The following BTBD9 variants were observed in gnomAD, a reference collection of about 807,000 sequenced individuals.
BTBD9 encodes the protein BTB domain containing 9, also known as BTB/POZ domain-containing protein 9.
Under a neutral mutation model 64.3 loss-of-function variants are expected in BTBD9, and 49 were observed. That is an observed-to-expected ratio of 0.76 (90% confidence interval 0.61 to 0.97). BTBD9 has a LOEUF of 0.97. Ranked by LOEUF, BTBD9 falls within the 50% of genes least tolerant of loss-of-function variation. BTBD9 has a pLI of 0.00. For synonymous variants in BTBD9, 260 were observed against 274.7 expected, an observed-to-expected ratio of 0.95 and a Z score of 0.53; for missense variants, 598 against 762.1, an observed-to-expected ratio of 0.78 and a Z score of 2.53.
At chr6:38,606,491 TTTGA>T (rs147454782) in intron 1 of BTBD9, among the ~76,000 whole-genome samples, 10,701 of 152,234 alleles carry the variant, frequency 0.07, 542 homozygotes, top group Non-Finnish European at 0.1. Flanking sequence ...GAAAGTGACC[TTTGA>T]TTATTTTAAA....
chr6:38,625,145 A>G (rs1486657156), intron 1 of BTBD9, among the ~76,000 whole-genome samples: 5 of 151,672 alleles, frequency 3.3e-5, no homozygotes, highest in Non-Finnish European at 7.4e-5. Context: ...CCCAACTCAC[A>G]TTTTTCAGAT....
At chr6:38,627,462 T>C (rs899691502) in intron 1 of BTBD9, among the ~76,000 whole-genome samples, 7 of 152,166 alleles carry the variant, frequency 4.6e-5, no homozygotes, top group African/African-American at 1.7e-4. Context: ...CACAGCATGT[T>C]TCTGAATAGA....
intron 6 of BTBD9, among the ~76,000 whole-genome samples, chr6:38,487,592 C>CGAGAGAGAGAGAGAGAGAGAGAGAGAGA (rs70981555): frequency 1.6e-5 from 2 of 122,834 alleles, no homozygotes; most frequent in African/African-American, 6.2e-5. Context: ...AGAGAGTCAG[C>CGAGAGAGAGAGAGAGAGAGAGAGAGAGA]GAGAGAGAGA....
intron 6 of BTBD9, among the ~76,000 whole-genome samples, chr6:38,552,884 G>T (rs999648911): frequency 6.6e-6 from 1 of 152,064 alleles, no homozygotes; most frequent in East Asian, 1.9e-4. Context: ...ATGGGGGATT[G>T]GTTCCAGGAC....
chr6:38,353,415 C>CG (rs946300845), intron 6 of BTBD9, among the ~76,000 whole-genome samples: 1 of 137,594 alleles, frequency 7.3e-6, no homozygotes, highest in African/African-American at 2.7e-5. Context: ...AGAAGAGAGA[C>CG]GGGGGAGAAA....
intron 6 of BTBD9, among the ~76,000 whole-genome samples, chr6:38,544,875 C>T (rs1774455432): frequency 8.0e-6 from 1 of 125,642 alleles, no homozygotes; most frequent in African/African-American, 3.0e-5. Flanking sequence ...TGCAGTGAGC[C>T]AAGACCGTGC....
Position 38,365,771 on chromosome 6 carries a change from A to C in BTBD9, c.1155-20678T>G, listed in dbSNP as rs544154141. Among the ~76,000 whole-genome samples, 10 of 152,052 alleles carry C rather than the reference A, an allele frequency of 6.6e-5. No individual in the cohort carries two copies. In the South Asian group the frequency reaches 1.7e-3, roughly 25 times the overall value. ...AAGATCCTGACTCAAAAAAAAAAAA[A>C]AAAACATACTGAAGGTACAATCTCC... On this transcript the variant is annotated intron_variant, in intron 6 of 10. Coordinates refer to ENST00000481247, the MANE Select transcript of BTBD9 (RefSeq NM_001099272.2).
chr6:38,177,366 AGGGTGCCTCCCGCTCCGT>A (rs949839973), intron 10 of BTBD9, among the ~76,000 whole-genome samples: 16 of 152,174 alleles, frequency 1.1e-4, no homozygotes, highest in Non-Finnish European at 1.9e-4. Flanking sequence ...GCAAGCCTTC[AGGGTGCCTCCCGCTCCGT>A]GGCCCACCCC....
chr6:38,492,029 C>G (rs759470170), intron 6 of BTBD9, among the ~76,000 whole-genome samples: 53 of 152,216 alleles, frequency 3.5e-4, no homozygotes, highest in Non-Finnish European at 7.3e-4. Flanking sequence ...TAAATTAAAT[C>G]TCCATTATTG....
chr6:38,171,859 AAAAAAAAAAAAAAAAAAAAAAAATAAT>A lies in BTBD9; in HGVS notation c.*3099_*3125del, dbSNP rs1325050887. 7 of 66,410 alleles carry A rather than the reference AAAAAAAAAAAAAAAAAAAAAAAATAAT, an allele frequency of 1.1e-4. No individual in the cohort carries two copies. Among genetic ancestry groups the A allele is most frequent in the Middle Eastern group, 7.9e-3 (1 of 126 alleles). 4.1% of individuals were successfully genotyped at this position (66,410 alleles called of 1,614,324 possible). On this transcript the variant is annotated 3_prime_UTR_variant, in exon 11 of 11. Coordinates refer to ENST00000481247, the MANE Select transcript of BTBD9 (RefSeq NM_001099272.2). ...CCTTTCTACTCTCAAAAAAAAAAAA[AAAAAAAAAAAAAAAAAAAAAAAATAAT>A]AATAATAATAATAATAATAATAATG...
chr6:38,514,116 G>A (rs1377536414), intron 6 of BTBD9, among the ~76,000 whole-genome samples: 1 of 152,204 alleles, frequency 6.6e-6, no homozygotes, highest in East Asian at 1.9e-4. Context: ...CCAGTCTTCT[G>A]GTGCAGTAAG....
intron 6 of BTBD9, among the ~76,000 whole-genome samples, chr6:38,507,563 T>A (rs150519477): frequency 1.3e-5 from 2 of 152,354 alleles, no homozygotes; most frequent in African/African-American, 4.8e-5. Flanking sequence ...TGGAAATGTC[T>A]TACTGACCTC....
intron 6 of BTBD9, among the ~76,000 whole-genome samples, chr6:38,453,633 CCT>C (rs1280209636): frequency 2.0e-5 from 3 of 152,170 alleles, no homozygotes; most frequent in Admixed American, 1.3e-4. Flanking sequence ...GCAACACCCC[CCT>C]GAGGACAGCC....
At chr6:38,447,220 G>T (rs571117551) in intron 6 of BTBD9, among the ~76,000 whole-genome samples, 2 of 152,244 alleles carry the variant, frequency 1.3e-5, no homozygotes, top group South Asian at 2.1e-4. Flanking sequence ...AAATCCTGCT[G>T]GTTTGTCAGC....
At chr6:38,203,243 A>G (rs1762525802) in intron 9 of BTBD9, among the ~76,000 whole-genome samples, 1 of 152,192 alleles carries the variant, frequency 6.6e-6, no homozygotes, top group Admixed American at 6.5e-5. Context: ...TTAGTACAGA[A>G]ACCATGGAAA....
chr6:38,243,281 A>G (rs936843030), intron 9 of BTBD9, among the ~76,000 whole-genome samples: 1 of 152,196 alleles, frequency 6.6e-6, no homozygotes, highest in African/African-American at 2.4e-5. Flanking sequence ...AGGAGGCAGG[A>G]TATTTAAAAA....
intron 7 of BTBD9, among the ~76,000 whole-genome samples, chr6:38,295,971 T>G (rs776862896): frequency 6.6e-5 from 10 of 152,082 alleles, no homozygotes; most frequent in Non-Finnish European, 1.3e-4. Flanking sequence ...TCGCTTGAAC[T>G]TGGGAAGTTA....
At chr6:38,613,629 T>G (rs79058690) in intron 1 of BTBD9, among the ~76,000 whole-genome samples, 3 of 150,016 alleles carry the variant, frequency 2.0e-5, no homozygotes, top group African/African-American at 7.3e-5. Flanking sequence ...TTATCTTTTT[T>G]AAAAAAAAAA....
intron 6 of BTBD9, among the ~76,000 whole-genome samples, chr6:38,437,209 A>G (rs1243937148): frequency 6.6e-6 from 1 of 152,234 alleles, no homozygotes; most frequent in Non-Finnish European, 1.5e-5. Flanking sequence ...ACAGGTGGAC[A>G]CCAAAGATGC....
Sources: allele counts gnomAD v4.1 joint callset (sites outside exome capture counted in the v4.1 genomes callset), GRCh38; gene constraint gnomAD v4.1.1; transcripts MANE v1.5; gene names NCBI Gene and HGNC (gene_info 2026-07-23, HGNC 2026-07-21).